Variants in PCDHA11 observed in about 807,000 individuals in gnomAD.
PCDHA11 encodes the protein protocadherin alpha-11.
In PCDHA11, 61 loss-of-function variants were observed where a neutral mutation model predicts 70.3. The observed-to-expected ratio is 0.87, with a 90% CI of 0.71 to 1.07. The LOEUF (loss-of-function observed/expected upper bound fraction) is 1.07, where lower values mean the gene tolerates loss of function less well. PCDHA11 is among the 50% of genes least tolerant of loss of function. The pLI is 0.00. For synonymous variants in PCDHA11, 633 were observed against 555.1 expected (o/e 1.14, Z -1.97); for missense variants, 1,324 against 1,237.5 (o/e 1.07, Z -1.05).
chr5:140,968,526 C>G, intron 1 of PCDHA11: 3 of 1,614,200 alleles, frequency 1.9e-6, no homozygotes, highest in Middle Eastern at 1.6e-4. Context: ...TCAACCAACT[C>G]GTCAGCAGCC....
At position 140,870,954 on chromosome 5, in the gene PCDHA11, G is replaced by T. The variant is rs1202889647; in HGVS notation, c.1851G>T (p.Ser617=). The T allele has an allele frequency of 1.9e-6, 3 of 1,613,514 alleles. No individual in the cohort carries two copies. The highest frequency in any genetic ancestry group is 1.3e-5 in the African/African-American group (1 of 74,940). ...AATTGCAGCCGGCGGCGGGCGGCTC[G>T]CGCATCCCGTTCCGCGTGGGGCTGT... ...SYELQPAAGG[S]RIPFRVGLYT... The change falls in exon 1 of 4, where the codon TCG becomes TCT. Residue 617 remains serine, a synonymous_variant. Transcript: ENST00000398640.
intron 3 of PCDHA11, among the ~76,000 whole-genome samples, chr5:140,993,561 T>C (rs1282310511): frequency 6.6e-6 from 1 of 151,800 alleles, no homozygotes; most frequent in Non-Finnish European, 1.5e-5. Flanking sequence ...GTATATAGTA[T>C]CCTTTCTAGG....
chr5:141,004,124 C>T (rs1225012224), intron 3 of PCDHA11, among the ~76,000 whole-genome samples: 1 of 152,202 alleles, frequency 6.6e-6, no homozygotes, highest in Non-Finnish European at 1.5e-5. Context: ...GGAGTATCTC[C>T]ATGATTCTGC....
chr5:140,966,382 G>A, intron 1 of PCDHA11: 1 of 403,884 alleles, frequency 2.5e-6, no homozygotes, highest in Non-Finnish European at 4.3e-6. Context: ...GTCCGGGTTC[G>A]CTGTCCGCCA....
At chr5:140,944,197 T>C (rs1404957342) in intron 1 of PCDHA11, among the ~76,000 whole-genome samples, 2 of 152,120 alleles carry the variant, frequency 1.3e-5, no homozygotes, top group Non-Finnish European at 2.9e-5. Context: ...TTTTGTTTTG[T>C]TTTGTTTTTA....
rs2052115440 is a variant in PCDHA11, at chr5:140,870,530, T to C, written c.1427T>C (p.Val476Ala). The C allele has an allele frequency of 6.2e-7, 1 of 1,614,198 alleles. No homozygotes were observed. Among genetic ancestry groups the C allele is most frequent in the African/African-American group, 1.3e-5 (1 of 75,076 alleles). The change falls in exon 1 of 4, where the codon GTG (valine) becomes GCG (alanine). Residue 476 changes from valine (V) to alanine (A), a missense_variant. Coordinates refer to ENST00000398640, the MANE Select transcript of PCDHA11 (RefSeq NM_018902.5). ...CCACCAGGCTGCCACATCTTCACAG[T>C]GTCGGCGCGGGACGCGGACGCGCAG... ...NNPPGCHIFT[V>A]SARDADAQEN...
In PCDHA11 at chr5:140,927,196, G is replaced by A. The variant is rs781932405; in HGVS notation, c.2392-51753G>A. On this transcript the variant is annotated intron_variant, in intron 1 of 3. Coordinates refer to ENST00000398640, the MANE Select transcript of PCDHA11 (RefSeq NM_018902.5). ...CGTCTTGACCTACGACCTGGTGCTC[G>A]AGGACCCGCTGGAGCTGCACAAGAT... The A allele has an allele frequency of 5.6e-6, 9 of 1,614,028 alleles. No homozygotes were observed. In the South Asian group the frequency reaches 7.7e-5, roughly 14 times the overall value.
Position 140,961,969 on chromosome 5 carries a change from C to A in PCDHA11, c.2392-16980C>A, listed in dbSNP as rs188846719. ...CATGATCTCGGCTCACTGCAACCTCCGCCTCCTGGGTTCACGCCATTGTCC... is the reference window on the plus strand; with the variant it reads ...CATGATCTCGGCTCACTGCAACCTCAGCCTCCTGGGTTCACGCCATTGTCC... On this transcript the variant is annotated intron_variant, in intron 1 of 3. Transcript: ENST00000398640. 8.7e-4 allele frequency among the ~76,000 whole-genome samples: 132 copies of A among 151,904 alleles called. 1 individual carries two copies. Among genetic ancestry groups the A allele is most frequent in the African/African-American group, 3.0e-3 (126 of 41,408 alleles).
chr5:140,880,810 T>C (rs552209492), intron 1 of PCDHA11, among the ~76,000 whole-genome samples: 90 of 152,330 alleles, frequency 5.9e-4, no homozygotes, highest in Non-Finnish European at 1.1e-3. Flanking sequence ...TGAATGACTC[T>C]AGAGTGTCTG....
intron 3 of PCDHA11, among the ~76,000 whole-genome samples, chr5:140,997,797 C>A (rs2097786104): frequency 6.6e-6 from 1 of 151,944 alleles, no homozygotes; most frequent in Non-Finnish European, 1.5e-5. Context: ...TATAATTTAT[C>A]CAATTTGCTG....
Position 141,009,690 on chromosome 5 carries a change from TTAAA to T in PCDHA11, c.2606_2609del (p.Lys869ThrfsTer44). On this transcript the variant is annotated frameshift_variant, in exon 4 of 4. Transcript: ENST00000398640. LOFTEE classifies it high-confidence loss of function. ...GGTGTCAACAGCAACAGCTGGACCT[TTAAA>T]TACGGACCAGGCAACCCCAAACAAT... 6.2e-7 allele frequency: 1 copy of T among 1,614,068 alleles called. No individual in the cohort carries two copies. Among genetic ancestry groups the T allele is most frequent in the Non-Finnish European group, 8.5e-7 (1 of 1,180,024 alleles).
At chr5:140,914,973 G>A (rs1166162661) in intron 1 of PCDHA11, among the ~76,000 whole-genome samples, 2 of 140,450 alleles carry the variant, frequency 1.4e-5, no homozygotes, top group Non-Finnish European at 3.0e-5. Context: ...CTGAGTCAGA[G>A]TCTTGCTCTG....
intron 2 of PCDHA11, among the ~76,000 whole-genome samples, chr5:140,981,925 T>C (rs2096957903): frequency 1.3e-5 from 2 of 152,160 alleles, no homozygotes; most frequent in South Asian, 2.1e-4. Flanking sequence ...CAAGTTTCTC[T>C]AGTCTCAGGA....
chr5:140,984,726 A>C (rs549219216), intron 3 of PCDHA11, among the ~76,000 whole-genome samples: 51 of 152,276 alleles, frequency 3.3e-4, no homozygotes, highest in Non-Finnish European at 5.0e-4. Flanking sequence ...AAAGATTAAG[A>C]TTATGATTTA....
intron 1 of PCDHA11, among the ~76,000 whole-genome samples, chr5:140,888,214 G>T (rs2061741689): frequency 6.6e-6 from 1 of 152,130 alleles, no homozygotes; most frequent in African/African-American, 2.4e-5. Context: ...TGGATTTTGT[G>T]TGTGTGTGCA....
intron 3 of PCDHA11, among the ~76,000 whole-genome samples, chr5:140,982,826 T>C (rs193172264): frequency 1.1e-3 from 157 of 141,010 alleles, no homozygotes; most frequent in African/African-American, 3.0e-3. Context: ...GTTTTTGGGG[T>C]TTGTTTGTTT....
intron 1 of PCDHA11, among the ~76,000 whole-genome samples, chr5:140,887,278 A>G (rs782205714): frequency 5.9e-5 from 9 of 151,950 alleles, no homozygotes; most frequent in Non-Finnish European, 8.8e-5. Flanking sequence ...TTGTATTTTT[A>G]GTAGAGATGG....
intron 1 of PCDHA11, chr5:140,930,064 C>G (rs2153602971): frequency 6.6e-6 from 1 of 152,306 alleles, no homozygotes; most frequent in Non-Finnish European, 1.5e-5. Context: ...TACACAAAAA[C>G]TGTAAGCCTC....
At chr5:140,941,167 A>G (rs1352007891) in intron 1 of PCDHA11, among the ~76,000 whole-genome samples, 2 of 144,982 alleles carry the variant, frequency 1.4e-5, no homozygotes, top group Non-Finnish European at 3.1e-5. Flanking sequence ...AAGACTCCCC[A>G]TCTTGAACAT....
Sources: gnomAD v4.1 joint callset for allele counts (sites outside exome capture counted in the v4.1 genomes callset) on GRCh38, gnomAD v4.1.1 for gene constraint, MANE v1.5 for transcripts, NCBI Gene and HGNC (gene_info 2026-07-23, HGNC 2026-07-21) for gene names.